The following NR6A1 variants were observed in gnomAD, a reference collection of about 807,000 sequenced individuals.
The protein encoded by NR6A1 is retinoic acid receptor-related testis-associated receptor.
Under a neutral mutation model 59.1 loss-of-function variants are expected in NR6A1, and 7 were observed. The ratio of observed to expected loss-of-function variants is 0.12; its 90% CI spans 0.07 to 0.22. The LOEUF is 0.22. NR6A1 is among the 10% of genes least tolerant of loss of function. The probability of loss-of-function intolerance (pLI) is 1.00; values close to 1 mark genes in which losing one functional copy is unlikely to be tolerated. For synonymous variants in NR6A1, 243 were observed against 236.1 expected (o/e 1.03, Z -0.27); for missense variants, 468 against 611.6 (o/e 0.77, Z 2.48).
At chr9:124,568,896 G>A (rs1206505969) in intron 2 of NR6A1, among the ~76,000 whole-genome samples, 2 of 151,762 alleles carry the variant, frequency 1.3e-5, no homozygotes, top group Non-Finnish European at 2.9e-5. Context: ...GGCGGGTCAC[G>A]AGGTCAGGAG....
At chr9:124,656,342 A>G (rs1413531061) in intron 2 of NR6A1, among the ~76,000 whole-genome samples, 1 of 152,180 alleles carries the variant, frequency 6.6e-6, no homozygotes, top group Non-Finnish European at 1.5e-5. Context: ...ATTCCTTTAC[A>G]GCAACACTAA....
intron 2 of NR6A1, among the ~76,000 whole-genome samples, chr9:124,637,903 A>G (rs1417536203): frequency 5.3e-5 from 8 of 150,550 alleles, no homozygotes; most frequent in Non-Finnish European, 7.4e-5. Context: ...AAAAAAAAAA[A>G]AAAAAAAAAG....
At chr9:124,580,957 A>G (rs959564648) in intron 2 of NR6A1, among the ~76,000 whole-genome samples, 5 of 152,188 alleles carry the variant, frequency 3.3e-5, no homozygotes, top group Non-Finnish European at 5.9e-5. Context: ...CCAATTGAAC[A>G]GGATAGAGAA....
chr9:124,723,263 G>T (rs1839615045), intron 2 of NR6A1, among the ~76,000 whole-genome samples: 1 of 152,114 alleles, frequency 6.6e-6, no homozygotes, highest in Non-Finnish European at 1.5e-5. Context: ...TGACCAAAAA[G>T]AAAGTGTGTA....
intron 3 of NR6A1, among the ~76,000 whole-genome samples, 169 bp downstream of exon 3, chr9:124,554,159 C>A (rs1456497755): frequency 6.6e-6 from 1 of 152,192 alleles, no homozygotes; most frequent in African/African-American, 2.4e-5. Context: ...CTTCCCCCCA[C>A]CTAGTTTAGG....
chr9:124,547,949 C>A (rs969016427), intron 3 of NR6A1, among the ~76,000 whole-genome samples: 1 of 152,004 alleles, frequency 6.6e-6, no homozygotes, highest in African/African-American at 2.4e-5. Flanking sequence ...ATAAGATCTG[C>A]TAATAAGATA....
chr9:124,589,206 G>A (rs1835031323), intron 2 of NR6A1, among the ~76,000 whole-genome samples: 1 of 152,170 alleles, frequency 6.6e-6, no homozygotes, highest in African/African-American at 2.4e-5. Flanking sequence ...CAGCACTTTG[G>A]GTGGCTGAGG....
chr9:124,598,677 G>GAAA, intron 2 of NR6A1: 2 of 400,300 alleles, frequency 5.0e-6, no homozygotes, highest in East Asian at 6.8e-5. Flanking sequence ...AAACAAGGAA[G>GAAA]GGAAAGAGAG....
rs555489911 is a variant in NR6A1, at chr9:124,535,103, G to A, written c.1079+775C>T. ...TGCACCACTGCACTCCAGCCTGGGT[G>A]ACAGAGCCAGACACCGTCTCAAAAA... On this transcript the variant is annotated intron_variant, in intron 7 of 9. Coordinates refer to ENST00000487099, the MANE Select transcript of NR6A1 (RefSeq NM_033334.4). Among the ~76,000 whole-genome samples the A allele has an allele frequency of 1.2e-4, 18 of 151,894 alleles. No homozygotes were observed. In the East Asian group the frequency reaches 2.7e-3, roughly 23 times the overall value.
intron 3 of NR6A1, among the ~76,000 whole-genome samples, chr9:124,547,080 C>T (rs1833622550): frequency 6.6e-6 from 1 of 152,248 alleles, no homozygotes; most frequent in South Asian, 2.1e-4. Context: ...GAACAAATGG[C>T]TCCTGTGTGC....
At chr9:124,748,412 CTA>C (rs1840396442) in intron 1 of NR6A1, among the ~76,000 whole-genome samples, 1 of 152,132 alleles carries the variant, frequency 6.6e-6, no homozygotes, top group Non-Finnish European at 1.5e-5. Flanking sequence ...GAAGGATAAA[CTA>C]TAAATCATTC....
At chr9:124,691,581 T>G (rs897323777) in intron 2 of NR6A1, among the ~76,000 whole-genome samples, 2 of 152,240 alleles carry the variant, frequency 1.3e-5, no homozygotes, top group Admixed American at 1.3e-4. Context: ...ATAACCACTA[T>G]GTCCTATAAT....
chr9:124,728,071 GGC>G (rs1272432699), intron 2 of NR6A1, among the ~76,000 whole-genome samples: 3 of 151,242 alleles, frequency 2.0e-5, no homozygotes, highest in African/African-American at 7.3e-5. Context: ...CTGTCACCCA[GGC>G]TGGAGTGCAG....
chr9:124,560,904 T>TG (rs1834068052), intron 2 of NR6A1, among the ~76,000 whole-genome samples: 1 of 152,010 alleles, frequency 6.6e-6, no homozygotes, highest in Non-Finnish European at 1.5e-5. Context: ...TTGATGAGAC[T>TG]GGGATTAGGT....
rs1438857219 is a variant in NR6A1, at chr9:124,520,849, C to T, written c.*1856G>A. On this transcript the variant is annotated 3_prime_UTR_variant, in exon 10 of 10. Coordinates refer to ENST00000487099, the MANE Select transcript of NR6A1 (RefSeq NM_033334.4). ...GCTAGCTGGAGCTTTTCCTGAGGAA[C>T]ATGTCTCTTCCTTCTCAGAGCAACT... The T allele has an allele frequency of 6.6e-6, 1 of 152,246 alleles. No individual in the cohort carries two copies. Among genetic ancestry groups the T allele is most frequent in the Admixed American group, 6.5e-5 (1 of 15,290 alleles). The allele number at this position is 152,246 out of a possible 1,614,324, so 9.4% of individuals were successfully genotyped here.
chr9:124,650,311 T>TG (rs949710149), intron 2 of NR6A1, among the ~76,000 whole-genome samples: 1 of 152,078 alleles, frequency 6.6e-6, no homozygotes, highest in Non-Finnish European at 1.5e-5. Context: ...GATGGAACTG[T>TG]TAAGTGAATA....
intron 2 of NR6A1, among the ~76,000 whole-genome samples, chr9:124,683,159 G>A (rs893902952): frequency 9.9e-5 from 15 of 151,800 alleles, no homozygotes; most frequent in Admixed American, 5.3e-4. Context: ...CTGGGATCAC[G>A]CCACTACACT....
Position 124,697,002 on chromosome 9 carries a change from C to T in NR6A1, c.142+36306G>A, listed in dbSNP as rs111298763. ...AAATATTGTGGCCATCTTTCCATAT[C>T]GATATATCAGAACCACCTTCCAAAG... On this transcript the variant is annotated intron_variant, in intron 2 of 9. Transcript: ENST00000487099. 4.4e-3 allele frequency among the ~76,000 whole-genome samples: 673 copies of T among 152,168 alleles called. 5 individuals carry two copies. Among genetic ancestry groups the T allele is most frequent in the African/African-American group, 0.015 (624 of 41,506 alleles).
intron 2 of NR6A1, among the ~76,000 whole-genome samples, chr9:124,728,027 T>C (rs1588833752): frequency 6.8e-6 from 1 of 148,114 alleles, no homozygotes; most frequent in Admixed American, 6.8e-5. Flanking sequence ...TATTTTTGTA[T>C]TTATTTATTT....
Sources: gnomAD v4.1 joint callset for allele counts (sites outside exome capture counted in the v4.1 genomes callset) on GRCh38, gnomAD v4.1.1 for gene constraint, MANE v1.5 for transcripts, NCBI Gene and HGNC (gene_info 2026-07-23, HGNC 2026-07-21) for gene names.